Variants in ZNF469 observed in about 807,000 individuals in gnomAD.
ZNF469 encodes the protein zinc finger protein 469.
Under a neutral mutation model 1.0 loss-of-function variants are expected in ZNF469, and 1 was observed. The observed-to-expected ratio is 1.00, with a 90% CI of 0.35 to 4.73. The LOEUF (loss-of-function observed/expected upper bound fraction) is 4.73. ZNF469 is among the 30% of genes most tolerant of loss of function. The probability of loss-of-function intolerance (pLI) is 0.16; values close to 1 mark genes in which losing one functional copy is unlikely to be tolerated. For synonymous variants in ZNF469, 2,703 were observed against 2,363.4 expected (o/e 1.14, Z -4.17); for missense variants, 6,100 against 5,356.3 (o/e 1.14, Z -4.33).
At chr16:88,218,470 T>A in the ZNF469 span, among the ~76,000 whole-genome samples, 7 of 151,864 alleles carry the variant, frequency 4.6e-5, no homozygotes, top group African/African-American at 1.7e-4. Flanking sequence ...GTCAATTTTG[T>A]CTTTTGTTGC....
the ZNF469 span, among the ~76,000 whole-genome samples, chr16:88,164,902 G>T: frequency 6.6e-6 from 1 of 152,234 alleles, no homozygotes; most frequent in Non-Finnish European, 1.5e-5. Flanking sequence ...AGTCTACACT[G>T]AGCGTGCTTT....
intron 1 of ZNF469, among the ~76,000 whole-genome samples, chr16:88,389,589 G>A (rs4782516): frequency 0.23 from 34,891 of 152,046 alleles, 4,310 homozygotes; most frequent in African/African-American, 0.31. Context: ...CTTTCCCACC[G>A]TTCCGCTCCC....
chr16:88,310,515 G>T, the ZNF469 span, among the ~76,000 whole-genome samples: 2 of 152,046 alleles, frequency 1.3e-5, no homozygotes, highest in East Asian at 1.9e-4. Flanking sequence ...TTTTTCTGTA[G>T]CCTGTGTCTT....
the ZNF469 span, among the ~76,000 whole-genome samples, chr16:88,256,307 C>T: frequency 6.6e-6 from 1 of 152,208 alleles, no homozygotes. Context: ...GCACACACTA[C>T]GTAGCTTTTT....
In ZNF469 at chr16:88,430,356, C is replaced by T. The variant is rs1443982209; in HGVS notation, c.2886C>T (p.Gly962=). Residue 962 remains glycine, a synonymous_variant, in exon 3 of 3, where the codon GGC becomes GGT. Coordinates refer to ENST00000565624, the MANE Select transcript of ZNF469 (RefSeq NM_001367624.2). ...KLFRKDLDSG[G]AAEGSGSGGG... ...TCCGGAAGGATCTGGACTCGGGCGG[C>T]GCAGCAGAGGGGTCGGGGTCGGGCG... 1 of 1,512,106 alleles carries T rather than the reference C, an allele frequency of 6.6e-7. No individual in the cohort carries two copies. 93.7% of individuals were successfully genotyped at this position (1,512,106 alleles called of 1,614,324 possible).
At chr16:88,314,403 A>ATGATGC in the ZNF469 span, among the ~76,000 whole-genome samples, 9 of 138,368 alleles carry the variant, frequency 6.5e-5, no homozygotes, top group African/African-American at 1.9e-4. Flanking sequence ...TGTGATTATG[A>ATGATGC]TGATGCTGGT....
chr16:88,127,472 C>G, the ZNF469 span, among the ~76,000 whole-genome samples: 114 of 152,262 alleles, frequency 7.5e-4, no homozygotes, highest in African/African-American at 2.0e-3. Flanking sequence ...GTAGTAATAT[C>G]AAGTTTGATT....
the ZNF469 span, among the ~76,000 whole-genome samples, chr16:88,232,628 G>GGA: frequency 6.6e-6 from 1 of 152,352 alleles, no homozygotes; most frequent in South Asian, 2.1e-4. Flanking sequence ...AGGCTGTCCG[G>GGA]GAGCTCTCTG....
At chr16:88,247,666 G>T in the ZNF469 span, among the ~76,000 whole-genome samples, 3 of 151,140 alleles carry the variant, frequency 2.0e-5, no homozygotes, top group East Asian at 5.9e-4. Flanking sequence ...GAGTGAATGA[G>T]TGAATCGTGA....
At chr16:88,136,965 T>G in the ZNF469 span, among the ~76,000 whole-genome samples, 1 of 152,238 alleles carries the variant, frequency 6.6e-6, no homozygotes, top group African/African-American at 2.4e-5. Context: ...TGCATGTATG[T>G]AACTATGGAT....
chr16:88,429,708 C>T lies in ZNF469; in HGVS notation c.2238C>T (p.Phe746=), dbSNP rs1486162490. 6.5e-7 allele frequency: 1 copy of T among 1,543,240 alleles called. No homozygotes were observed. Among genetic ancestry groups the T allele is most frequent in the Non-Finnish European group, 8.8e-7 (1 of 1,142,546 alleles). Reference sequence around the variant, plus strand: ...GCAACTACAGCAGCCTGGCGGCCTTCCTGGCCCACCGGCAGTTCTGTGGCC... The same window carrying T: ...GCAACTACAGCAGCCTGGCGGCCTTTCTGGCCCACCGGCAGTTCTGTGGCC... The part of the protein sequence containing the change: ...CDRNYSSLAA[F]LAHRQFCGLL... Residue 746 remains phenylalanine, a synonymous_variant, in exon 3 of 3, where the codon TTC becomes TTT. Coordinates refer to ENST00000565624, the MANE Select transcript of ZNF469 (RefSeq NM_001367624.2).
At position 88,430,493 on chromosome 16, in the gene ZNF469, C is replaced by G; in HGVS notation, c.3023C>G (p.Pro1008Arg). 1 of 1,421,280 alleles carries G rather than the reference C, an allele frequency of 7.0e-7. No individual in the cohort carries two copies. The highest frequency in any genetic ancestry group is 9.1e-7 in the Non-Finnish European group (1 of 1,098,524). 88.0% of individuals were successfully genotyped at this position (1,421,280 alleles called of 1,614,324 possible). Reference protein sequence around the residue: ...RTQAPGSRADPAPRVPRAAAL... With the variant: ...RTQAPGSRADRAPRVPRAAAL... ...CAGGCCCCCGGGAGCCGCGCAGACC[C>G]CGCGCCCCGGGTCCCGAGAGCCGCC... The change falls in exon 3 of 3, where the codon CCC becomes CGC. Residue 1008 changes from proline (P) to arginine (R), a missense_variant. Physicochemically the swap from Pro to Arg is moderately radical, Grantham distance 103. Coordinates refer to ENST00000565624, the MANE Select transcript of ZNF469 (RefSeq NM_001367624.2).
At chr16:88,166,718 C>A in the ZNF469 span, among the ~76,000 whole-genome samples, 1 of 151,128 alleles carries the variant, frequency 6.6e-6, no homozygotes, top group African/African-American at 2.4e-5. The surrounding 1 kb of genome is among the most constrained non-coding windows in gnomAD (Gnocchi z 4.5). Flanking sequence ...GTTTCAGAAC[C>A]GATATGCCTT....
chr16:88,167,974 C>T, the ZNF469 span, among the ~76,000 whole-genome samples: 1 of 152,252 alleles, frequency 6.6e-6, no homozygotes, highest in South Asian at 2.1e-4. Flanking sequence ...TGGAATCTGG[C>T]ACGACCTGTC....
chr16:88,399,443 G>A (rs1904791817), intron 1 of ZNF469, among the ~76,000 whole-genome samples: 1 of 152,140 alleles, frequency 6.6e-6, no homozygotes, highest in Non-Finnish European at 1.5e-5. Flanking sequence ...AACTGGGCCT[G>A]TGGGCCCACA....
chr16:88,179,795 C>G, the ZNF469 span, among the ~76,000 whole-genome samples: 1 of 152,180 alleles, frequency 6.6e-6, no homozygotes, highest in Non-Finnish European at 1.5e-5. Flanking sequence ...CTACCTGAAG[C>G]AAAGACGGGA....
At chr16:88,268,253 G>A in the ZNF469 span, among the ~76,000 whole-genome samples, 20 of 152,166 alleles carry the variant, frequency 1.3e-4, no homozygotes, top group African/African-American at 4.6e-4. Flanking sequence ...TCTCCCCCTC[G>A]CTGGTGTCTT....
the ZNF469 span, among the ~76,000 whole-genome samples, chr16:88,182,460 G>C: frequency 6.6e-6 from 1 of 151,888 alleles, no homozygotes; most frequent in East Asian, 1.9e-4. Context: ...ATCTTCTTTG[G>C]AAGATTCACA....
At chr16:88,245,672 T>G in the ZNF469 span, among the ~76,000 whole-genome samples, 3 of 152,232 alleles carry the variant, frequency 2.0e-5, no homozygotes, top group African/African-American at 7.2e-5. Flanking sequence ...CTTCTCCCCC[T>G]TGCCTACAGA....
Sources: gnomAD v4.1 joint callset for allele counts (sites outside exome capture counted in the v4.1 genomes callset) on GRCh38, gnomAD v4.1.1 for gene constraint, Gnocchi (gnomAD v3.1) non-coding constraint, MANE v1.5 for transcripts, NCBI Gene and HGNC (gene_info 2026-07-23, HGNC 2026-07-21) for gene names.